The following HMGXB4 variants were observed in gnomAD, a reference collection of about 807,000 sequenced individuals.
HMGXB4 encodes the protein HMG-box containing 4.
HMGXB4 carries 27 observed loss-of-function variants against 63.9 expected under a neutral mutation model. The observed-to-expected ratio is 0.42, with a 90% CI of 0.31 to 0.58. The LOEUF is 0.58. Among genes scored for constraint, HMGXB4 ranks in the 20% least tolerant of loss-of-function variants. The pLI is 0.13. For missense variants in HMGXB4, 624 were observed against 700.7 expected, an observed-to-expected ratio of 0.89 and a Z score of 1.24; for synonymous variants, 264 against 265.3, an observed-to-expected ratio of 0.99 and a Z score of 0.05.
At chr22:35,292,688 A>G (rs1308643011) in intron 9 of HMGXB4, among the ~76,000 whole-genome samples, 10 of 152,212 alleles carry the variant, frequency 6.6e-5, no homozygotes. Context: ...ACAGCTCTCC[A>G]GAGTAGGTAA....
chr22:35,259,803 T>TC (rs1293133807), intron 1 of HMGXB4, among the ~76,000 whole-genome samples: 1 of 152,244 alleles, frequency 6.6e-6, no homozygotes, highest in Non-Finnish European at 1.5e-5. Flanking sequence ...CCTTCTTTTT[T>TC]CTTCAGGTTA....
At chr22:35,253,144 A>AAAAAAAG (rs1555886252), upstream of HMGXB4, among the ~76,000 whole-genome samples, 1,526 of 124,464 alleles carry the variant, frequency 0.012, 155 homozygotes, top group Middle Eastern at 0.032. Context: ...AAAAAAAAAA[A>AAAAAAAG]AAAAAAGAAA....
chr22:35,293,064 T>A lies in HMGXB4; in HGVS notation c.1711T>A (p.Cys571Ser). The A allele has an allele frequency of 6.2e-7, 1 of 1,614,252 alleles. No individual in the cohort carries two copies. The highest frequency in any genetic ancestry group is 8.5e-7 in the Non-Finnish European group (1 of 1,180,036). Residue 571 changes from cysteine (C) to serine (S), a missense_variant, in exon 10 of 11, where the codon TGT becomes AGT. Cys to Ser is a moderately radical substitution (Grantham distance 112). Transcript: ENST00000216106. ...TATCTGTGCCCTTGGCCCCTTGGCA[T>A]GTCTCACCACACAACTACCTGAATT... ...SIICALGPLA[C>S]LTTQLPELNG...
In HMGXB4 at chr22:35,279,132, C is replaced by CTTTTTTTT. The variant is rs551006065; in HGVS notation, c.1216-4806_1216-4799dup. ...TATTTTCTCACAGTCTATGGATTGT[C>CTTTTTTTT]TTTTTTTTTTTTTTTTTTTTTTTTT... On this transcript the variant is annotated intron_variant, in intron 5 of 10. Transcript: ENST00000216106. 2.8e-4 allele frequency among the ~76,000 whole-genome samples: 14 copies of CTTTTTTTT among 50,822 alleles called. 1 individual carries two copies. Among genetic ancestry groups the CTTTTTTTT allele is most frequent in the Non-Finnish European group, 2.9e-4 (9 of 31,382 alleles). 33.3% of individuals were successfully genotyped at this position (50,822 alleles called of 152,430 possible).
chr22:35,281,326 A>G (rs1042631226), intron 5 of HMGXB4, among the ~76,000 whole-genome samples: 1 of 152,232 alleles, frequency 6.6e-6, no homozygotes, highest in East Asian at 1.9e-4. Context: ...AATTAGATCT[A>G]GGCTTCAAAA....
At chr22:35,258,337 C>T (rs1018078367) in intron 1 of HMGXB4, 10 of 152,212 alleles carry the variant, frequency 6.6e-5, no homozygotes, top group Non-Finnish European at 1.2e-4. Flanking sequence ...TCTCTGTCCC[C>T]TCTTTTGGAG....
intron 1 of HMGXB4, among the ~76,000 whole-genome samples, chr22:35,260,150 T>C (rs1196971277): frequency 3.9e-5 from 6 of 152,352 alleles, no homozygotes; most frequent in Non-Finnish European, 7.4e-5. Context: ...TGCTTACATA[T>C]ACAAGTGCAT....
chr22:35,259,684 C>T (rs1193711045), intron 1 of HMGXB4, among the ~76,000 whole-genome samples: 11 of 152,184 alleles, frequency 7.2e-5, no homozygotes, highest in Non-Finnish European at 8.8e-5. Context: ...CAGGGCCCAT[C>T]GGTCTGCCCA....
At chr22:35,287,280 A>G (rs985430641) in intron 7 of HMGXB4, 67 bp from the exon 8 acceptor site, 30 of 1,262,214 alleles carry the variant, frequency 2.4e-5, no homozygotes, top group Non-Finnish European at 3.2e-5. Context: ...TTGTTCTTTC[A>G]TGACTGCTTT....
chr22:35,264,565 A>T, intron 4 of HMGXB4, 83 bp from the exon 5 acceptor site: 1 of 901,046 alleles, frequency 1.1e-6, no homozygotes, highest in Non-Finnish European at 1.7e-6. Context: ...TTCTCATGTT[A>T]GCTAGGTGCT....
chr22:35,251,097 C>T, the HMGXB4 span, among the ~76,000 whole-genome samples: 97 of 148,138 alleles, frequency 6.5e-4, no homozygotes, highest in Non-Finnish European at 2.7e-4. Context: ...TTTTTTGAGA[C>T]GGAGTCTTGC....
At chr22:35,288,213 G>T in intron 8 of HMGXB4, 25 bp from the exon 9 acceptor site, 1 of 1,425,566 alleles carries the variant, frequency 7.0e-7, no homozygotes, top group Non-Finnish European at 9.3e-7. Flanking sequence ...AGTTTTACCT[G>T]TCTGCCTCAT....
Position 35,292,996 on chromosome 22 carries a change from T to C in HMGXB4, c.1643T>C (p.Met548Thr). The part of the protein sequence containing the change: ...IGHRLQETEG[M>T]VAVSGSLSVL... ...ACAACCTCCTCTCCTTTTCAGGGTA[T>C]GGTGGCTGTGTCTGGCAGTTTGTCA... Residue 548 changes from methionine (M) to threonine (T), a missense_variant, in exon 10 of 11, where the codon ATG becomes ACG. By Grantham distance (81) the Met-to-Thr change is moderately conservative (BLOSUM62 -1). This residue lies in a region of HMGXB4 where 152 missense variants were observed against 230.1 expected (regional missense o/e 0.66). Coordinates refer to ENST00000216106, the MANE Select transcript of HMGXB4 (RefSeq NM_001003681.3). 2 of 1,614,242 alleles carry C rather than the reference T, an allele frequency of 1.2e-6. No homozygotes were observed. The highest frequency in any genetic ancestry group is 1.7e-6 in the Non-Finnish European group (2 of 1,180,032).
chr22:35,288,136 G>A, intron 8 of HMGXB4, 102 bp from the exon 9 acceptor site: 1 of 990,582 alleles, frequency 1.0e-6, no homozygotes. Flanking sequence ...TTTTGCTAAT[G>A]CCTGGTATAA....
the HMGXB4 span, among the ~76,000 whole-genome samples, chr22:35,245,392 ATTGT>A: frequency 2.7e-5 from 2 of 73,286 alleles, no homozygotes; most frequent in Non-Finnish European, 6.8e-5. Context: ...TATTTATATT[ATTGT>A]TTTTTATTTT....
At chr22:35,261,685 G>A (rs1027178051) in intron 1 of HMGXB4, among the ~76,000 whole-genome samples, 2 of 152,056 alleles carry the variant, frequency 1.3e-5, no homozygotes, top group Non-Finnish European at 1.5e-5. Context: ...GAAAGCCTTG[G>A]TGGTGGTGAC....
chr22:35,271,649 G>A (rs1418892008), intron 5 of HMGXB4, among the ~76,000 whole-genome samples: 5 of 152,328 alleles, frequency 3.3e-5, no homozygotes, highest in African/African-American at 1.2e-4. Context: ...GGCAATACAT[G>A]CGGAAGTGTT....
intron 2 of HMGXB4, chr22:35,262,793 T>A (rs928200870): frequency 9.6e-6 from 5 of 519,052 alleles, no homozygotes; most frequent in Non-Finnish European, 1.7e-5. Flanking sequence ...TCTGCAAGTC[T>A]GTGTCCTCCT....
At chr22:35,248,120 T>G in the HMGXB4 span, among the ~76,000 whole-genome samples, 4 of 152,096 alleles carry the variant, frequency 2.6e-5, no homozygotes, top group Non-Finnish European at 5.9e-5. Flanking sequence ...TATCTAAACA[T>G]ATCTAAACAT....
Sources: allele counts gnomAD v4.1 joint callset (sites outside exome capture counted in the v4.1 genomes callset), GRCh38; gene constraint gnomAD v4.1.1; regional missense constraint gnomAD v4.1.1; transcripts MANE v1.5; gene names NCBI Gene and HGNC (gene_info 2026-07-23, HGNC 2026-07-21).